Variants in AGAP1 observed in about 807,000 individuals in gnomAD.
AGAP1 encodes arf-GAP with GTPase, ANK repeat and PH domain-containing protein 1.
In AGAP1, 29 loss-of-function variants were observed where a neutral mutation model predicts 105.3. The observed-to-expected ratio is 0.28, with a 90% CI of 0.21 to 0.38. AGAP1 has a LOEUF of 0.38. AGAP1 is among the 10% of genes least tolerant of loss of function. The probability of loss-of-function intolerance (pLI) is 1.00; values close to 1 mark genes in which losing one functional copy is unlikely to be tolerated. For synonymous variants in AGAP1, 509 were observed against 485.9 expected, an observed-to-expected ratio of 1.05 and a Z score of -0.63; for missense variants, 998 against 1,165.1, an observed-to-expected ratio of 0.86 and a Z score of 2.09.
At position 235,737,108 on chromosome 2, in the gene AGAP1, A is replaced by G. The variant is rs1353243487; in HGVS notation, c.311-3855A>G. 6.6e-6 allele frequency among the ~76,000 whole-genome samples: 1 copy of G among 152,232 alleles called. No homozygotes were observed. Among genetic ancestry groups the G allele is most frequent in the East Asian group, 1.9e-4 (1 of 5,198 alleles). The stretch of plus-strand genomic sequence containing the variant: ...CTATTGAGCTGAACCTGCTCCCATC[A>G]GTAGTGCCCTGCGGGACCTTTTGAA... On this transcript the variant is annotated intron_variant, in intron 3 of 17. Coordinates refer to ENST00000304032, the MANE Select transcript of AGAP1 (RefSeq NM_001037131.3). This position sits in a 1 kb window ranked among gnomAD's most constrained non-coding sequence, Gnocchi z 4.5.
rs186019208 is a variant in AGAP1 at position 236,126,209 on chromosome 2, C to T, written c.*2087C>T. On this transcript the variant is annotated 3_prime_UTR_variant, in exon 18 of 18. Coordinates refer to ENST00000304032, the MANE Select transcript of AGAP1 (RefSeq NM_001037131.3). ...CTGAGAACCTTGACGACAGTTCCAT[C>T]GTCCTGCCATTTGATTTTTCAGTCT... 6.6e-6 allele frequency: 1 copy of T among 152,282 alleles called. No individual in the cohort carries two copies. The allele number at this position is 152,282 out of a possible 1,614,324, so 9.4% of individuals were successfully genotyped here.
rs1945545451 is a variant in AGAP1, at chr2:235,596,946, G to A, written c.163+102097G>A. ...ATCATGAGGAGATATGGCTTCTGCA[G>A]GAAGAGGCCTCACCAGGAACCAAAT... is the stretch of plus-strand genomic sequence containing the variant. On this transcript the variant is annotated intron_variant, in intron 1 of 17. Transcript: ENST00000304032. This position sits in a 1 kb window ranked among gnomAD's most constrained non-coding sequence, Gnocchi z 5.9. Among the ~76,000 whole-genome samples, 1 of 152,166 alleles carries A rather than the reference G, an allele frequency of 6.6e-6. No homozygotes were observed. The highest frequency in any genetic ancestry group is 2.1e-4 in the South Asian group (1 of 4,832).
intron 1 of AGAP1, among the ~76,000 whole-genome samples, chr2:235,675,635 C>T (rs1176835769): frequency 6.6e-6 from 1 of 152,082 alleles, no homozygotes; most frequent in African/African-American, 2.4e-5. Flanking sequence ...TAAATTACTC[C>T]AGATAGCAAT....
chr2:236,112,186 A>T (rs1163496350), intron 16 of AGAP1, among the ~76,000 whole-genome samples: 3 of 152,054 alleles, frequency 2.0e-5, no homozygotes, highest in Non-Finnish European at 4.4e-5. Flanking sequence ...GAGGCCGAGG[A>T]GGACAGATCA....
Position 236,003,570 on chromosome 2 carries a change from C to A in AGAP1, c.1646-32991C>A, listed in dbSNP as rs1028562124. ...CGCAGCCCCCCTGCGCTGCTGCTGC[C>A]CGCATGGGGTACCCTTAAGTCCCAC... On this transcript the variant is annotated intron_variant, in intron 13 of 17. Coordinates refer to ENST00000304032, the MANE Select transcript of AGAP1 (RefSeq NM_001037131.3). This position sits in a 1 kb window ranked among gnomAD's most constrained non-coding sequence, Gnocchi z 4.2. Among the ~76,000 whole-genome samples, 2 of 152,212 alleles carry A rather than the reference C, an allele frequency of 1.3e-5. No homozygotes were observed. Among genetic ancestry groups the A allele is most frequent in the African/African-American group, 2.4e-5 (1 of 41,462 alleles).
rs556785424 is a variant in AGAP1 at position 235,541,376 on chromosome 2, C to CTTTTTTTTTTT, written c.163+46546_163+46556dup. On this transcript the variant is annotated intron_variant, in intron 1 of 17. Coordinates refer to ENST00000304032, the MANE Select transcript of AGAP1 (RefSeq NM_001037131.3). ...ATTATTTCCTTTTTCCATTCTTATTCTTTTTTTTTTTTTTTTTTTTTTTTT... is the reference window on the plus strand; with the variant it reads ...ATTATTTCCTTTTTCCATTCTTATTCTTTTTTTTTTTTTTTTTTTTTTTTTTTTTTTTTTTT... Among the ~76,000 whole-genome samples the CTTTTTTTTTTT allele has an allele frequency of 8.1e-4, 74 of 91,100 alleles. 3 individuals carry two copies. Among genetic ancestry groups the CTTTTTTTTTTT allele is most frequent in the Non-Finnish European group, 1.3e-3 (59 of 46,550 alleles). The allele number at this position is 91,100 out of a possible 152,430, so 59.8% of individuals were successfully genotyped here.
Position 235,976,277 on chromosome 2 carries a change from G to A in AGAP1, c.1645+7654G>A, listed in dbSNP as rs1381698949. On this transcript the variant is annotated intron_variant, in intron 13 of 17. Transcript: ENST00000304032. This position sits in a 1 kb window ranked among gnomAD's most constrained non-coding sequence, Gnocchi z 4.5. ...CAGCTTCCAAGAGAATGAACTTGCT[G>A]AAATTGAGTAGATCATCTGGGTTTA... 6.6e-6 allele frequency among the ~76,000 whole-genome samples: 1 copy of A among 152,148 alleles called. No individual in the cohort carries two copies. The highest frequency in any genetic ancestry group is 6.5e-5 in the Admixed American group (1 of 15,270).
rs1409319399 is a variant in AGAP1 at position 236,001,707 on chromosome 2, T to C, written c.1645+33084T>C. On this transcript the variant is annotated intron_variant, in intron 13 of 17. Transcript: ENST00000304032. This position sits in a 1 kb window ranked among gnomAD's most constrained non-coding sequence, Gnocchi z 4.7. ...GATTTCCCCTTTTGTTTTGTTTCTG[T>C]ATAAGATCATACCATGTATATTCTG... Among the ~76,000 whole-genome samples the C allele has an allele frequency of 6.6e-6, 1 of 152,184 alleles. No individual in the cohort carries two copies. The highest frequency in any genetic ancestry group is 2.4e-5 in the African/African-American group (1 of 41,446).
At position 236,089,487 on chromosome 2, in the gene AGAP1, G is replaced by A. The variant is rs1023587876; in HGVS notation, c.2115-30705G>A. ...GCAGAAGAGAGTGAGCGTAGCAACT[G>A]GGAGGTGGCCTGATGGCCTGCGCCT... On this transcript the variant is annotated intron_variant, in intron 16 of 17. Transcript: ENST00000304032. This position sits in a 1 kb window ranked among gnomAD's most constrained non-coding sequence, Gnocchi z 5.6. 6.6e-6 allele frequency among the ~76,000 whole-genome samples: 1 copy of A among 152,224 alleles called. No homozygotes were observed. Among genetic ancestry groups the A allele is most frequent in the African/African-American group, 2.4e-5 (1 of 41,462 alleles).
rs935228688 is a variant in AGAP1, at chr2:235,741,131, G to A, written c.396+83G>A. On this transcript the variant is annotated intron_variant, in intron 4 of 17. Transcript: ENST00000304032. The surrounding 1 kb of genome is among the most constrained non-coding windows in gnomAD (Gnocchi z 4.9). ...ATTCAAGAAGTGCTTCTAGAAATCG[G>A]TGACTTGGTTTCCAAAAAAGTGGAA... is the stretch of plus-strand genomic sequence containing the variant. 3 of 1,234,996 alleles carry A rather than the reference G, an allele frequency of 2.4e-6. No individual in the cohort carries two copies. The highest frequency in any genetic ancestry group is 3.3e-6 in the Non-Finnish European group (3 of 919,330). 76.5% of individuals were successfully genotyped at this position (1,234,996 alleles called of 1,614,324 possible). A position where few individuals can be genotyped will look rare whatever the true frequency, so the allele number is the denominator to read the frequency against.
At chr2:235,588,430 T>G (rs1416171830) in intron 1 of AGAP1, among the ~76,000 whole-genome samples, 1 of 152,022 alleles carries the variant, frequency 6.6e-6, no homozygotes, top group African/African-American at 2.4e-5. Flanking sequence ...GTCACCTTCC[T>G]CACCCTTGAT....
intron 13 of AGAP1, among the ~76,000 whole-genome samples, chr2:236,032,493 AAAG>A (rs958244292): frequency 6.6e-6 from 1 of 152,184 alleles, no homozygotes; most frequent in African/African-American, 2.4e-5. Context: ...GGTCAGTGAG[AAAG>A]AAGACTAAGC....
At position 235,867,035 on chromosome 2, in the gene AGAP1, G is replaced by T. The variant is rs1391985823; in HGVS notation, c.1051-16310G>T. Among the ~76,000 whole-genome samples the T allele has an allele frequency of 2.0e-5, 3 of 152,230 alleles. No individual in the cohort carries two copies. Among genetic ancestry groups the T allele is most frequent in the Non-Finnish European group, 4.4e-5 (3 of 68,042 alleles). On this transcript the variant is annotated intron_variant, in intron 9 of 17. Coordinates refer to ENST00000304032, the MANE Select transcript of AGAP1 (RefSeq NM_001037131.3). The surrounding 1 kb of genome is among the most constrained non-coding windows in gnomAD (Gnocchi z 5.4). ...TCGTCTAAGGGATGGGCGTCGGGGG[G>T]TGCTTGCTTATGCGGAGCCTGTGAC...
At chr2:235,598,495 T>C (rs1945618535) in intron 1 of AGAP1, among the ~76,000 whole-genome samples, 1 of 152,210 alleles carries the variant, frequency 6.6e-6, no homozygotes, top group African/African-American at 2.4e-5. Flanking sequence ...TTGGTTGCAT[T>C]GTATGTCGTT....
intron 16 of AGAP1, among the ~76,000 whole-genome samples, chr2:236,054,517 G>GA (rs1183717809): frequency 2.1e-4 from 31 of 147,766 alleles, no homozygotes; most frequent in African/African-American, 7.7e-4. Context: ...GGAGAAAGGA[G>GA]AAAAAAAATA....
rs1476410763 is a variant in AGAP1, at chr2:235,964,314, G to A, written c.1484-4148G>A. ...TACTTAATAGCGGCCCCTGGCAGCC[G>A]AGGAGAGTTGCGTTTGCCTGTTCTG... On this transcript the variant is annotated intron_variant, in intron 12 of 17. Transcript: ENST00000304032. The surrounding 1 kb of genome is among the most constrained non-coding windows in gnomAD (Gnocchi z 4.6). Among the ~76,000 whole-genome samples the A allele has an allele frequency of 2.0e-5, 3 of 152,074 alleles. No homozygotes were observed. Among genetic ancestry groups the A allele is most frequent in the African/African-American group, 4.8e-5 (2 of 41,408 alleles).
chr2:235,829,668 CTG>C (rs1343740415), intron 9 of AGAP1, among the ~76,000 whole-genome samples: 3 of 152,218 alleles, frequency 2.0e-5, no homozygotes, highest in Non-Finnish European at 4.4e-5. Flanking sequence ...TTTGGACTCT[CTG>C]TATTTCTACA....
At position 235,882,425 on chromosome 2, in the gene AGAP1, C is replaced by T. The variant is rs1229161624; in HGVS notation, c.1051-920C>T. The T allele has an allele frequency of 2.6e-5, 41 of 1,584,842 alleles. No homozygotes were observed. Among genetic ancestry groups the T allele is most frequent in the Middle Eastern group, 1.7e-4 (1 of 5,836 alleles). On this transcript the variant is annotated intron_variant, in intron 9 of 17. Coordinates refer to ENST00000304032, the MANE Select transcript of AGAP1 (RefSeq NM_001037131.3). The surrounding 1 kb of genome is among the most constrained non-coding windows in gnomAD (Gnocchi z 4.6). The stretch of plus-strand genomic sequence containing the variant: ...TGGTCGGCAGGGTGTTCTTCTCCTG[C>T]GTCTCCGTTTTCTTCAGCTTGGCCC...
intron 1 of AGAP1, among the ~76,000 whole-genome samples, chr2:235,579,516 C>T (rs1049559407): frequency 6.6e-6 from 1 of 152,128 alleles, no homozygotes; most frequent in African/African-American, 2.4e-5. Context: ...TGGCTCACAC[C>T]TGTAATCCCA....
Sources: gnomAD v4.1 joint callset for allele counts (sites outside exome capture counted in the v4.1 genomes callset) on GRCh38, gnomAD v4.1.1 for gene constraint, Gnocchi (gnomAD v3.1) non-coding constraint, MANE v1.5 for transcripts, NCBI Gene and HGNC (gene_info 2026-07-23, HGNC 2026-07-21) for gene names.